SLC34A2: variants seen among roughly 807,000 people sequenced by gnomAD.
SLC34A2 encodes the protein solute carrier family 34 member 2.
SLC34A2 carries 41 observed loss-of-function variants against 50.8 expected under a neutral mutation model. The ratio of observed to expected loss-of-function variants is 0.81; its 90% CI spans 0.63 to 1.05. The LOEUF (loss-of-function observed/expected upper bound fraction) is 1.05, where lower values mean the gene tolerates loss of function less well. Ranked by LOEUF, SLC34A2 falls within the 50% of genes least tolerant of loss-of-function variation. The pLI is 0.00. For synonymous variants in SLC34A2, 401 were observed against 364.2 expected, an observed-to-expected ratio of 1.10 and a Z score of -1.15; for missense variants, 879 against 876.7, an observed-to-expected ratio of 1.00 and a Z score of -0.03.
In SLC34A2 at chr4:25,667,864, C is replaced by T; in HGVS notation, c.524-16C>T. ...TGCCTTTCTAAGCTTGCTAATGGTA[C>T]TTTTCCATCCTCTAGTGCTCACTGT... On this transcript the variant is annotated splice_polypyrimidine_tract_variant and intron_variant, in intron 5 of 12. Coordinates refer to ENST00000382051, the MANE Select transcript of SLC34A2 (RefSeq NM_006424.3). 6.3e-7 allele frequency: 1 copy of T among 1,576,492 alleles called. No homozygotes were observed. Among genetic ancestry groups the T allele is most frequent in the Non-Finnish European group, 8.7e-7 (1 of 1,145,902 alleles).
At chr4:25,670,602 G>A (rs997684222) in intron 7 of SLC34A2, 136 bp from the exon 8 acceptor site, 2 of 703,262 alleles carry the variant, frequency 2.8e-6, no homozygotes, top group African/African-American at 3.5e-5. Flanking sequence ...CAGATAGAGT[G>A]AGTCCCACTT....
Position 25,674,608 on chromosome 4 carries a change from T to A in SLC34A2, c.1437T>A (p.Asn479Lys). Residue 479 changes from asparagine to lysine, a missense_variant, in exon 12 of 13, where the codon AAT (asparagine) becomes AAA (lysine). Physicochemically the swap from Asn to Lys is moderately conservative, Grantham distance 94. Coordinates refer to ENST00000382051, the MANE Select transcript of SLC34A2 (RefSeq NM_006424.3). ...AILAALASPG[N>K]ALRSSLQIAL... ...TGGCCGCCTTAGCCAGCCCTGGCAA[T>A]GCATTGAGGAGTTCACTCCAGGTCA... The A allele has an allele frequency of 6.2e-7, 1 of 1,614,198 alleles. No homozygotes were observed. The highest frequency in any genetic ancestry group is 8.5e-7 in the Non-Finnish European group (1 of 1,180,040).
In SLC34A2 at chr4:25,676,193, C is replaced by G. The variant is rs769551404; in HGVS notation, c.1517C>G (p.Pro506Arg). 28 of 1,614,080 alleles carry G rather than the reference C, an allele frequency of 1.7e-5. No homozygotes were observed. The highest frequency in any genetic ancestry group is 3.3e-5 in the Admixed American group (2 of 60,006). Residue 506 changes from proline to arginine, a missense_variant, in exon 13 of 13, where the codon CCG becomes CGG. Physicochemically the swap from Pro to Arg is moderately radical, Grantham distance 103. Transcript: ENST00000382051. ...GGCATCTTGCTGTGGTACCCGATCC[C>G]GTTCACTCGCCTGCCCATCCGCATG... ...ISGILLWYPI[P>R]FTRLPIRMAK...
chr4:25,663,318 A>G (rs1018715340), intron 3 of SLC34A2, among the ~76,000 whole-genome samples: 4 of 152,156 alleles, frequency 2.6e-5, no homozygotes, highest in African/African-American at 9.7e-5. Flanking sequence ...CATTCAACAA[A>G]TGTGCCAGGC....
At chr4:25,662,640 C>G in intron 2 of SLC34A2, 28 bp downstream of exon 2, 2 of 1,613,962 alleles carry the variant, frequency 1.2e-6, no homozygotes, top group Non-Finnish European at 1.7e-6. Context: ...GTCTGCAGAT[C>G]GGCCTTTGTG....
At chr4:25,673,494 G>C (rs1248937570) in intron 10 of SLC34A2, among the ~76,000 whole-genome samples, 1 of 152,124 alleles carries the variant, frequency 6.6e-6, no homozygotes. Flanking sequence ...TTCATATCTA[G>C]AGAGCTGTGA....
intron 7 of SLC34A2, 68 bp downstream of exon 7, chr4:25,669,910 A>G (rs1714725861): frequency 7.5e-7 from 1 of 1,337,352 alleles, no homozygotes; most frequent in Admixed American, 1.7e-5. Context: ...ACCTGAGCTG[A>G]CAGATATAGA....
chr4:25,663,259 C>A (rs1020963206), intron 3 of SLC34A2, among the ~76,000 whole-genome samples: 1 of 152,170 alleles, frequency 6.6e-6, no homozygotes, highest in Non-Finnish European at 1.5e-5. Context: ...CGGCCACCCT[C>A]CCATCTTTGA....
rs762953308 is a variant in SLC34A2 at position 25,674,891 on chromosome 4, A to G, written c.1458+262A>G. Reference sequence around the variant, plus strand: ...GGTGGCCCCTTGATATAGATGTGGAAAAGGTACTTAGGAAGCACAGACACC... The same window carrying G: ...GGTGGCCCCTTGATATAGATGTGGAGAAGGTACTTAGGAAGCACAGACACC... On this transcript the variant is annotated intron_variant, in intron 12 of 12. Transcript: ENST00000382051. Among the ~76,000 whole-genome samples, 4 of 152,302 alleles carry G rather than the reference A, an allele frequency of 2.6e-5. No individual in the cohort carries two copies. The South Asian group carries it at 8.3e-4, about 32-fold the overall frequency.
At chr4:25,661,244 T>C (rs1020172642) in intron 1 of SLC34A2, among the ~76,000 whole-genome samples, 9 of 152,210 alleles carry the variant, frequency 5.9e-5, no homozygotes, top group African/African-American at 2.2e-4. Flanking sequence ...ACTGACACTT[T>C]ATGCTCAGAG....
intron 1 of SLC34A2, among the ~76,000 whole-genome samples, chr4:25,658,780 G>A (rs1714019679): frequency 6.6e-6 from 1 of 152,184 alleles, no homozygotes; most frequent in Non-Finnish European, 1.5e-5. Flanking sequence ...GCTGGAGTGA[G>A]GCCTTGGGAA....
chr4:25,658,229 T>A (rs921522158), intron 1 of SLC34A2, among the ~76,000 whole-genome samples: 1 of 152,166 alleles, frequency 6.6e-6, no homozygotes, highest in Non-Finnish European at 1.5e-5. Context: ...AGGCACAAAG[T>A]CTTTAATAAA....
At chr4:25,664,470 G>A in intron 4 of SLC34A2, 140 bp downstream of exon 4, 1 of 897,054 alleles carries the variant, frequency 1.1e-6, no homozygotes, top group Non-Finnish European at 1.8e-6. Flanking sequence ...GATCATTTAT[G>A]AAGTCTATGC....
Position 25,672,484 on chromosome 4 carries a change from C to T in SLC34A2, c.1049-603C>T, listed in dbSNP as rs952158415. On this transcript the variant is annotated intron_variant, in intron 9 of 12. Transcript: ENST00000382051. The stretch of plus-strand genomic sequence containing the variant: ...TGTTTTTTCCAACCCAGCCATCCTT[C>T]GTTATTCTAATTACTCCTTACATAT... Among the ~76,000 whole-genome samples the T allele has an allele frequency of 3.3e-5, 5 of 152,244 alleles. No homozygotes were observed. In the East Asian group the frequency reaches 5.8e-4, roughly 18 times the overall value.
intron 1 of SLC34A2, among the ~76,000 whole-genome samples, chr4:25,660,250 C>T (rs988663685): frequency 2.0e-5 from 3 of 152,078 alleles, no homozygotes; most frequent in African/African-American, 4.8e-5. Context: ...AATAGGTTGA[C>T]GAAGAAAGGA....
At chr4:25,664,731 G>T (rs772165183) in intron 4 of SLC34A2, among the ~76,000 whole-genome samples, 1 of 151,910 alleles carries the variant, frequency 6.6e-6, no homozygotes, top group Non-Finnish European at 1.5e-5. Context: ...GAAGGACAGG[G>T]CCCCTTCTCT....
At chr4:25,664,129 C>G in intron 3 of SLC34A2, 73 bp from the exon 4 acceptor site, 17 of 1,538,710 alleles carry the variant, frequency 1.1e-5, no homozygotes, top group Non-Finnish European at 1.3e-5. Flanking sequence ...AGCTCATTGC[C>G]AAACTTCTCA....
At chr4:25,672,961 C>A (rs2109059268) in intron 9 of SLC34A2, 126 bp from the exon 10 acceptor site, 1 of 1,002,450 alleles carries the variant, frequency 1.0e-6, no homozygotes, top group Non-Finnish European at 1.6e-6. Context: ...TGATTTGGGG[C>A]TGCCATCTGT....
In SLC34A2 at chr4:25,676,208, C is replaced by T; in HGVS notation, c.1532C>T (p.Pro511Leu). The part of the protein sequence containing the change: ...LWYPIPFTRL[P>L]IRMAKGLGNI... ...TACCCGATCCCGTTCACTCGCCTGC[C>T]CATCCGCATGGCCAAGGGGCTGGGC... Residue 511 changes from proline (P) to leucine (L), a missense_variant, in exon 13 of 13, where the codon CCC becomes CTC. Pro to Leu is a moderately conservative substitution (Grantham distance 98). Transcript: ENST00000382051. The T allele has an allele frequency of 6.2e-7, 1 of 1,614,220 alleles. No individual in the cohort carries two copies. Among genetic ancestry groups the T allele is most frequent in the Non-Finnish European group, 8.5e-7 (1 of 1,180,034 alleles).
Sources: allele counts gnomAD v4.1 joint callset (sites outside exome capture counted in the v4.1 genomes callset), GRCh38; gene constraint gnomAD v4.1.1; transcripts MANE v1.5; gene names NCBI Gene and HGNC (gene_info 2026-07-23, HGNC 2026-07-21).